Variants in DHRS7C observed in about 807,000 individuals in gnomAD.
DHRS7C encodes dehydrogenase/reductase 7C.
In DHRS7C, 28 loss-of-function variants were observed where a neutral mutation model predicts 29.6. The ratio of observed to expected loss-of-function variants is 0.95; its 90% CI spans 0.70 to 1.30. The LOEUF is 1.30. Among genes scored for constraint, DHRS7C ranks in the 50% most tolerant of loss-of-function variants. The pLI is 0.00. For missense variants in DHRS7C, 403 were observed against 393.3 expected (o/e 1.02, Z -0.21); for synonymous variants, 158 against 160.2 (o/e 0.99, Z 0.10).
In DHRS7C at chr17:9,771,673, C is replaced by G; in HGVS notation, c.751G>C (p.Gly251Arg). Residue 251 changes from glycine to arginine, a missense_variant, in exon 6 of 6, where the codon GGC becomes CGC. Coordinates refer to ENST00000571134, the MANE Select transcript of DHRS7C (RefSeq NM_001105571.3). ...TCCGCCACCTCTACTGGGTGCACGCCGTAGGTCAGCTTCCTGAAAAAGACT... is the reference window on the plus strand; with the variant it reads ...TCCGCCACCTCTACTGGGTGCACGCGGTAGGTCAGCTTCCTGAAAAAGACT... ...WKFFFRKLTY[G>R]VHPVEVAEEV... 1.3e-6 allele frequency: 2 copies of G among 1,522,960 alleles called. No homozygotes were observed. Among genetic ancestry groups the G allele is most frequent in the South Asian group, 1.3e-5 (1 of 78,348 alleles). 94.3% of individuals were successfully genotyped at this position (1,522,960 alleles called of 1,614,324 possible). A position where few individuals can be genotyped will look rare whatever the true frequency, so the allele number is the denominator to read the frequency against.
chr17:9,779,092 T>C (rs2152016425), intron 3 of DHRS7C, among the ~76,000 whole-genome samples: 1 of 152,262 alleles, frequency 6.6e-6, no homozygotes, highest in South Asian at 2.1e-4. Flanking sequence ...GTATTTTTAG[T>C]AGAGACGGGG....
chr17:9,788,308 G>A (rs1796212759), intron 1 of DHRS7C, among the ~76,000 whole-genome samples: 1 of 152,130 alleles, frequency 6.6e-6, no homozygotes, highest in Admixed American at 6.5e-5. Context: ...TTGGGTTCAA[G>A]CAATCCTCCT....
intron 2 of DHRS7C, 32 bp from the exon 3 acceptor site, chr17:9,780,067 G>A (rs757194041): frequency 4.4e-6 from 7 of 1,600,736 alleles, no homozygotes; most frequent in Non-Finnish European, 4.3e-6. Flanking sequence ...CAGGGTATGT[G>A]TGAGATCTCC....
At chr17:9,786,520 G>A (rs1015932768) in intron 1 of DHRS7C, among the ~76,000 whole-genome samples, 1 of 151,902 alleles carries the variant, frequency 6.6e-6, no homozygotes, top group African/African-American at 2.4e-5. Context: ...CCCCCTGAAA[G>A]GAAATGAAGG....
At position 9,791,419 on chromosome 17, in the gene DHRS7C, G is replaced by A; in HGVS notation, c.-135C>T. 1.1e-6 allele frequency: 1 copy of A among 939,278 alleles called. No individual in the cohort carries two copies. Among genetic ancestry groups the A allele is most frequent in the Non-Finnish European group, 1.5e-6 (1 of 653,626 alleles). 58.2% of individuals were successfully genotyped at this position (939,278 alleles called of 1,614,324 possible). The stretch of plus-strand genomic sequence containing the variant: ...CAAGCCTCCAAGCTGAACACCCAGT[G>A]GGCGTGCTAATCCCCAAATGTTCAA... On this transcript the variant is annotated 5_prime_UTR_variant, in exon 1 of 6. Transcript: ENST00000571134.
At chr17:9,773,810 C>T (rs1273100978) in intron 4 of DHRS7C, among the ~76,000 whole-genome samples, 1 of 148,270 alleles carries the variant, frequency 6.7e-6, no homozygotes, top group Admixed American at 6.8e-5. Context: ...CTGCAAGCTC[C>T]ACCTCCCAGT....
chr17:9,781,452 T>A (rs1472949862), intron 2 of DHRS7C, 30 bp downstream of exon 2: 5 of 1,605,956 alleles, frequency 3.1e-6, no homozygotes, highest in Non-Finnish European at 4.3e-6. Flanking sequence ...TTCCCAGGAG[T>A]TACCCACGCC....
rs1423111457 is a variant in DHRS7C, at chr17:9,775,727, A to G, written c.571+1466T>C. Among the ~76,000 whole-genome samples the G allele has an allele frequency of 1.3e-5, 2 of 152,228 alleles. No individual in the cohort carries two copies. Among genetic ancestry groups the G allele is most frequent in the Non-Finnish European group, 2.9e-5 (2 of 68,042 alleles). On this transcript the variant is annotated intron_variant, in intron 4 of 5. Coordinates refer to ENST00000571134, the MANE Select transcript of DHRS7C (RefSeq NM_001105571.3). This position sits in a 1 kb window ranked among gnomAD's most constrained non-coding sequence, Gnocchi z 4.2. ...GCATATGGAAAAAGGAAGGTAAAAC[A>G]CTACTAGAGCGGGTGTTATGGGTTG...
chr17:9,782,030 T>C (rs555137563), intron 1 of DHRS7C, among the ~76,000 whole-genome samples: 2 of 152,334 alleles, frequency 1.3e-5, no homozygotes, highest in African/African-American at 4.8e-5. Flanking sequence ...CCAGGGTTCT[T>C]TTTATTTAAA....
intron 2 of DHRS7C, among the ~76,000 whole-genome samples, chr17:9,780,688 G>A (rs989195523): frequency 3.3e-5 from 5 of 152,250 alleles, no homozygotes; most frequent in East Asian, 1.9e-4. Context: ...AGAGGGTTCC[G>A]TAGTCAAATT....
At position 9,774,406 on chromosome 17, in the gene DHRS7C, T is replaced by A. The variant is rs2066349565; in HGVS notation, c.572-1484A>T. ...CTCAAGCAATTCTCCAGCCTTAGCC[T>A]CCCGAGTAACTGAGATTATGGGTAC... On this transcript the variant is annotated intron_variant, in intron 4 of 5. Coordinates refer to ENST00000571134, the MANE Select transcript of DHRS7C (RefSeq NM_001105571.3). The surrounding 1 kb of genome is among the most constrained non-coding windows in gnomAD (Gnocchi z 5.0). Among the ~76,000 whole-genome samples, 1 of 152,196 alleles carries A rather than the reference T, an allele frequency of 6.6e-6. No homozygotes were observed. The highest frequency in any genetic ancestry group is 1.5e-5 in the Non-Finnish European group (1 of 68,030).
chr17:9,777,212 T>C lies in DHRS7C; in HGVS notation c.552A>G (p.Gly184=). Residue 184 remains glycine, a synonymous_variant, in exon 4 of 6, where the codon GGA becomes GGG. Transcript: ENST00000571134. ...ACTTACAAGTCGTACGGAACGGGAT[T>C]CCAAACTTCCCTTGGATATTATTCA... The part of the protein sequence containing the change: ...VLVNNIQGKF[G]IPFRTTYAAS... The C allele has an allele frequency of 6.2e-7, 1 of 1,613,710 alleles. No homozygotes were observed. The highest frequency in any genetic ancestry group is 2.2e-5 in the East Asian group (1 of 44,868).
At chr17:9,790,304 G>T (rs1315031428) in intron 1 of DHRS7C, among the ~76,000 whole-genome samples, 1 of 152,192 alleles carries the variant, frequency 6.6e-6, no homozygotes, top group Non-Finnish European at 1.5e-5. Context: ...AGCAAAAGTT[G>T]CACTAACTAT....
chr17:9,788,793 C>T (rs922135282), intron 1 of DHRS7C, among the ~76,000 whole-genome samples: 37 of 152,208 alleles, frequency 2.4e-4, no homozygotes, highest in African/African-American at 8.9e-4. Context: ...GGAATCACTG[C>T]CGTCAGCAGC....
At chr17:9,788,743 C>T (rs1257363282) in intron 1 of DHRS7C, among the ~76,000 whole-genome samples, 1 of 152,240 alleles carries the variant, frequency 6.6e-6, no homozygotes, top group Non-Finnish European at 1.5e-5. Context: ...GCATCATCCA[C>T]TCAGTGCCCT....
intron 5 of DHRS7C, among the ~76,000 whole-genome samples, chr17:9,772,338 C>T (rs1407354845): frequency 6.6e-6 from 1 of 152,186 alleles, no homozygotes; most frequent in Non-Finnish European, 1.5e-5. Context: ...GGGATTTGCT[C>T]ATATCCAACC....
rs571715867 is a variant in DHRS7C at position 9,775,819 on chromosome 17, G to C, written c.571+1374C>G. Among the ~76,000 whole-genome samples the C allele has an allele frequency of 6.4e-4, 97 of 152,324 alleles. No homozygotes were observed. The highest frequency in any genetic ancestry group is 2.1e-3 in the African/African-American group (89 of 41,574). ...AATACCCAGTACTCAGAATGTGACG[G>C]TATTTAGAGATATTTAAAGAGGTGA... On this transcript the variant is annotated intron_variant, in intron 4 of 5. Coordinates refer to ENST00000571134, the MANE Select transcript of DHRS7C (RefSeq NM_001105571.3). This position sits in a 1 kb window ranked among gnomAD's most constrained non-coding sequence, Gnocchi z 4.2.
rs1597929660 is a variant in DHRS7C, at chr17:9,785,269, C to T, written c.155-3675G>A. The T allele has an allele frequency of 1.3e-5, 2 of 152,228 alleles. 1 individual carries two copies. Among genetic ancestry groups the T allele is most frequent in the East Asian group, 3.8e-4 (2 of 5,196 alleles). The allele number at this position is 152,228 out of a possible 1,614,324, so 9.4% of individuals were successfully genotyped here. On this transcript the variant is annotated intron_variant, in intron 1 of 5. Coordinates refer to ENST00000571134, the MANE Select transcript of DHRS7C (RefSeq NM_001105571.3). ...TGTTAGGTGAGTTTTCGCCCATGGG[C>T]CCAGGCTGGGGCTGTTTTCCTTTGC...
chr17:9,772,622 TG>T (rs2066336944), intron 5 of DHRS7C, 144 bp downstream of exon 5: 4 of 1,107,826 alleles, frequency 3.6e-6, no homozygotes, highest in Non-Finnish European at 3.7e-6. Flanking sequence ...GGCCCCGCCC[TG>T]CTGTTGGGGG....
Sources: allele counts gnomAD v4.1 joint callset (sites outside exome capture counted in the v4.1 genomes callset), GRCh38; gene constraint gnomAD v4.1.1; non-coding constraint Gnocchi (gnomAD v3.1); transcripts MANE v1.5; gene names NCBI Gene and HGNC (gene_info 2026-07-23, HGNC 2026-07-21).